The following MARCHF3 variants were observed in gnomAD, a reference collection of about 807,000 sequenced individuals.
The protein encoded by MARCHF3 is membrane associated ring-CH-type finger 3.
A neutral mutation model predicts 24.2 loss-of-function variants in MARCHF3; 13 were observed. The observed-to-expected ratio is 0.54, with a 90% CI of 0.35 to 0.85. The LOEUF (loss-of-function observed/expected upper bound fraction) is 0.85, where lower values mean the gene tolerates loss of function less well. MARCHF3 is among the 40% of genes least tolerant of loss of function. The pLI, the probability that MARCHF3 is intolerant of heterozygous loss-of-function variation, is 0.01. For missense variants in MARCHF3, 276 were observed against 325.0 expected (o/e 0.85, Z 1.16); for synonymous variants, 144 against 137.3 (o/e 1.05, Z -0.34).
chr5:126,962,975 C>A (rs890567671), intron 1 of MARCHF3, among the ~76,000 whole-genome samples: 10 of 152,064 alleles, frequency 6.6e-5, no homozygotes, highest in African/African-American at 2.4e-4. Context: ...TGTTTTCTTT[C>A]TGCCTGTGTA....
At chr5:126,898,654 C>T (rs1192123047) in intron 3 of MARCHF3, among the ~76,000 whole-genome samples, 1 of 152,078 alleles carries the variant, frequency 6.6e-6, no homozygotes. Flanking sequence ...CTCCCAATTT[C>T]TGCTTTACTG....
At chr5:126,985,402 G>A (rs1751528334) in intron 1 of MARCHF3, among the ~76,000 whole-genome samples, 1 of 151,598 alleles carries the variant, frequency 6.6e-6, no homozygotes, top group African/African-American at 2.4e-5. Flanking sequence ...ATCATATGAT[G>A]GGTTTAATTT....
chr5:126,878,440 T>C (rs1468486766), intron 3 of MARCHF3, 46 bp from the exon 4 acceptor site: 2 of 1,559,726 alleles, frequency 1.3e-6, no homozygotes, highest in Admixed American at 1.9e-5. Flanking sequence ...GAGGGTTAAA[T>C]GCCAGTGTGG....
At chr5:126,919,746 T>C (rs905452831) in intron 1 of MARCHF3, among the ~76,000 whole-genome samples, 1 of 152,208 alleles carries the variant, frequency 6.6e-6, no homozygotes, top group African/African-American at 2.4e-5. Context: ...TGTCATCCCT[T>C]CCTTGCTGCT....
intron 3 of MARCHF3, among the ~76,000 whole-genome samples, chr5:126,881,892 G>A (rs1344847326): frequency 6.6e-6 from 1 of 152,162 alleles, no homozygotes; most frequent in Non-Finnish European, 1.5e-5. Flanking sequence ...GAGAGGGACA[G>A]ACAAGGCTGT....
chr5:126,968,371 C>T (rs535825225), intron 1 of MARCHF3, among the ~76,000 whole-genome samples: 2 of 152,248 alleles, frequency 1.3e-5, no homozygotes, highest in African/African-American at 2.4e-5. Flanking sequence ...ATAAGGGTTC[C>T]GGTTTCTCCA....
Position 126,869,646 on chromosome 5 carries a change from G to A in MARCHF3, c.*987C>T, listed in dbSNP as rs1363631974. ...AAGCTAGAAATTCAATAGAGCAATG[G>A]GAATGCTAATTGACATGCAAAACAG... On this transcript the variant is annotated 3_prime_UTR_variant, in exon 5 of 5. Coordinates refer to ENST00000308660, the MANE Select transcript of MARCHF3 (RefSeq NM_178450.5). 1 of 124,182 alleles carries A rather than the reference G, an allele frequency of 8.1e-6. No individual in the cohort carries two copies. The highest frequency in any genetic ancestry group is 1.6e-5 in the Non-Finnish European group (1 of 62,930). 7.7% of individuals were successfully genotyped at this position (124,182 alleles called of 1,614,324 possible). A position where few individuals can be genotyped will look rare whatever the true frequency, so the allele number is the denominator to read the frequency against.
intron 1 of MARCHF3, among the ~76,000 whole-genome samples, chr5:126,960,951 G>A (rs1335692063): frequency 6.6e-6 from 1 of 151,994 alleles, no homozygotes; most frequent in Non-Finnish European, 1.5e-5. Flanking sequence ...TAGAAGCTAA[G>A]TACTCACTAG....
chr5:126,890,409 G>A (rs572825870), intron 3 of MARCHF3, among the ~76,000 whole-genome samples: 2,503 of 148,912 alleles, frequency 0.017, 42 homozygotes, highest in Non-Finnish European at 0.022. Context: ...CTAGCATTAG[G>A]TATATCTCCC....
intron 1 of MARCHF3, among the ~76,000 whole-genome samples, chr5:126,939,382 A>T (rs1197957298): frequency 5.9e-5 from 9 of 152,146 alleles, no homozygotes; most frequent in Admixed American, 6.5e-5. Flanking sequence ...GGCTGGGAGA[A>T]CACTTACTAA....
At chr5:126,896,043 C>T (rs1753891502) in intron 3 of MARCHF3, among the ~76,000 whole-genome samples, 1 of 152,126 alleles carries the variant, frequency 6.6e-6, no homozygotes, top group African/African-American at 2.4e-5. Flanking sequence ...CGGAAAAGCG[C>T]AGTATTCCGG....
intron 4 of MARCHF3, among the ~76,000 whole-genome samples, chr5:126,871,410 G>A (rs1752959498): frequency 6.6e-6 from 1 of 152,182 alleles, no homozygotes; most frequent in South Asian, 2.1e-4. Context: ...TAACTCCCCT[G>A]ATAAATCTTC....
chr5:126,949,138 G>T (rs1033540909), intron 1 of MARCHF3, among the ~76,000 whole-genome samples: 1 of 152,190 alleles, frequency 6.6e-6, no homozygotes, highest in African/African-American at 2.4e-5. Flanking sequence ...GGCAAACACA[G>T]TTATAAATGC....
intron 1 of MARCHF3, among the ~76,000 whole-genome samples, chr5:126,953,602 A>T (rs563437718): frequency 7.9e-5 from 12 of 152,222 alleles, no homozygotes; most frequent in Non-Finnish European, 1.6e-4. Flanking sequence ...ATTGCTATAC[A>T]ATATGGAAGT....
chr5:126,921,348 A>G (rs1411824823), intron 1 of MARCHF3, among the ~76,000 whole-genome samples: 1 of 150,622 alleles, frequency 6.6e-6, no homozygotes, highest in South Asian at 2.1e-4. Context: ...CGGAGGAGGA[A>G]AGGAAGCACA....
intron 1 of MARCHF3, among the ~76,000 whole-genome samples, chr5:127,022,898 C>G (rs947784528): frequency 1.3e-5 from 2 of 152,192 alleles, no homozygotes; most frequent in African/African-American, 2.4e-5. Context: ...CCAGATGAGA[C>G]AGAAAATAGG....
At chr5:127,008,197 TG>T (rs1294344000) in intron 1 of MARCHF3, among the ~76,000 whole-genome samples, 1 of 152,226 alleles carries the variant, frequency 6.6e-6, no homozygotes, top group Non-Finnish European at 1.5e-5. Context: ...CTGGAAACCT[TG>T]GTCTAGATAA....
intron 1 of MARCHF3, among the ~76,000 whole-genome samples, chr5:126,960,081 G>A (rs1351804224): frequency 3.9e-5 from 6 of 152,106 alleles, no homozygotes; most frequent in East Asian, 3.9e-4. Flanking sequence ...TCTTTCCAAC[G>A]GTCCATACAA....
chr5:126,965,843 C>T (rs1156698490), intron 1 of MARCHF3, among the ~76,000 whole-genome samples: 2 of 152,152 alleles, frequency 1.3e-5, no homozygotes, highest in Non-Finnish European at 2.9e-5. Flanking sequence ...AAAAGTTAAA[C>T]ATATATTTAA....
Sources: allele counts gnomAD v4.1 joint callset (sites outside exome capture counted in the v4.1 genomes callset), GRCh38; gene constraint gnomAD v4.1.1; transcripts MANE v1.5; gene names NCBI Gene and HGNC (gene_info 2026-07-23, HGNC 2026-07-21).